Variants in CHD7 observed in about 807,000 individuals in gnomAD.
CHD7 encodes the protein chromodomain helicase DNA binding protein 7.
Under a neutral mutation model 307.3 loss-of-function variants are expected in CHD7, and 24 were observed. That is an observed-to-expected ratio of 0.08 (90% CI 0.06 to 0.11). The LOEUF (loss-of-function observed/expected upper bound fraction) is 0.11. CHD7 is among the 10% of genes least tolerant of loss of function. CHD7 has a pLI of 1.00. For synonymous variants in CHD7, 1,363 were observed against 1,349.9 expected, an observed-to-expected ratio of 1.01 and a Z score of -0.21; for missense variants, 3,106 against 3,727.1, an observed-to-expected ratio of 0.83 and a Z score of 4.34.
At position 60,778,756 on chromosome 8, in the gene CHD7, A is replaced by G. The variant is rs1450649724; in HGVS notation, c.1666-2244A>G. ...TCTCCGTGTCCTGTGCAAAAAAGAT[A>G]GGGCTTTTTCCTTTTTAATTACATT... On this transcript the variant is annotated intron_variant, in intron 2 of 37. Transcript: ENST00000423902. 2.0e-5 allele frequency among the ~76,000 whole-genome samples: 3 copies of G among 152,370 alleles called. No homozygotes were observed. The South Asian group carries it at 6.2e-4, about 32-fold the overall frequency.
chr8:60,685,559 C>T (rs958309621), intron 1 of CHD7, among the ~76,000 whole-genome samples: 1 of 152,074 alleles, frequency 6.6e-6, no homozygotes, highest in Non-Finnish European at 1.5e-5. Flanking sequence ...CAGTCTCCCT[C>T]GGAGAGAGTT....
At position 60,742,520 on chromosome 8, in the gene CHD7, A is replaced by C. The variant is rs1259788628; in HGVS notation, c.1088A>C (p.His363Pro). 6.2e-7 allele frequency: 1 copy of C among 1,614,052 alleles called. No individual in the cohort carries two copies. Among genetic ancestry groups the C allele is most frequent in the East Asian group, 2.2e-5 (1 of 44,884 alleles). The change falls in exon 2 of 38, where the codon CAC (histidine) becomes CCC (proline). Residue 363 changes from histidine to proline, a missense_variant. Coordinates refer to ENST00000423902, the MANE Select transcript of CHD7 (RefSeq NM_017780.4). ...TCAAACAGTGGTCAAGGACTAATGC[A>C]CCAGCAGCCCATCCACCCCAGTGGC... ...FPSNSGQGLM[H>P]QQPIHPSGSL...
chr8:60,825,720 G>A lies in CHD7; in HGVS notation c.3378+1704G>A, dbSNP rs117109666. Among the ~76,000 whole-genome samples the A allele has an allele frequency of 5.9e-3, 904 of 152,240 alleles. 5 individuals carry two copies. Among genetic ancestry groups the A allele is most frequent in the Non-Finnish European group, 7.3e-3 (498 of 68,016 alleles). ...CAGTCATCTGACTGAACTTATCTGAGTTGTGTTCTATTATTAGTTCATGTG... is the reference window on the plus strand; with the variant it reads ...CAGTCATCTGACTGAACTTATCTGAATTGTGTTCTATTATTAGTTCATGTG... On this transcript the variant is annotated intron_variant, in intron 13 of 37. Transcript: ENST00000423902.
At chr8:60,775,452 C>A (rs1810906967) in intron 2 of CHD7, among the ~76,000 whole-genome samples, 1 of 75,516 alleles carries the variant, frequency 1.3e-5, no homozygotes, top group Non-Finnish European at 4.0e-5. Context: ...TATATTTGTG[C>A]ATAGTGTAAT....
intron 36 of CHD7, 54 bp from the exon 37 acceptor site, chr8:60,862,494 A>C: frequency 6.6e-7 from 1 of 1,510,818 alleles, no homozygotes; most frequent in Non-Finnish European, 9.0e-7. Flanking sequence ...GTAGATTAAC[A>C]GAAAGGGGAG....
At chr8:60,858,068 C>T (rs148957700) in intron 34 of CHD7, among the ~76,000 whole-genome samples, 171 of 152,270 alleles carry the variant, frequency 1.1e-3, no homozygotes, top group African/African-American at 3.9e-3. Context: ...CCAGCCTGGC[C>T]AACATGGCAA....
Position 60,836,101 on chromosome 8 carries a change from T to C in CHD7, c.3807T>C (p.Phe1269=), listed in dbSNP as rs1303262439. 2 of 1,612,558 alleles carry C rather than the reference T, an allele frequency of 1.2e-6. No homozygotes were observed. Among genetic ancestry groups the C allele is most frequent in the Non-Finnish European group, 1.7e-6 (2 of 1,179,346 alleles). Residue 1269 remains phenylalanine (F), a synonymous_variant, in exon 16 of 38, where the codon TTT becomes TTC. Coordinates refer to ENST00000423902, the MANE Select transcript of CHD7 (RefSeq NM_017780.4). ...NGAEEKILEE[F]KETHNAESPD... Reference sequence around the variant, plus strand: ...CTGAAGAGAAAATTTTGGAAGAGTTTAAAGAAACACACAATGCAGAGTCTC... The same window carrying C: ...CTGAAGAGAAAATTTTGGAAGAGTTCAAAGAAACACACAATGCAGAGTCTC...
chr8:60,866,529 C>G lies in CHD7; in HGVS notation c.*596C>G, dbSNP rs1028803635. 2.0e-5 allele frequency: 3 copies of G among 152,498 alleles called. No homozygotes were observed. Among genetic ancestry groups the G allele is most frequent in the African/African-American group, 7.2e-5 (3 of 41,406 alleles). 9.4% of individuals were successfully genotyped at this position (152,498 alleles called of 1,614,324 possible). On this transcript the variant is annotated 3_prime_UTR_variant, in exon 38 of 38. Transcript: ENST00000423902. ...AGGCAGCTGTTGAATGTGAAGGGTC[C>G]CTTTGGAAAATTAACCTACTGGGAG...
chr8:60,765,925 A>C (rs1402350416), intron 2 of CHD7, among the ~76,000 whole-genome samples: 2 of 152,224 alleles, frequency 1.3e-5, no homozygotes, highest in Non-Finnish European at 2.9e-5. Flanking sequence ...ACATAGAGGA[A>C]CCAAGTCAGG....
chr8:60,709,244 T>C (rs1288841951), intron 1 of CHD7, among the ~76,000 whole-genome samples: 2 of 152,210 alleles, frequency 1.3e-5, no homozygotes, highest in Non-Finnish European at 2.9e-5. Flanking sequence ...GTGTAGCTTG[T>C]AATATTTTGA....
chr8:60,781,234 C>A lies in CHD7; in HGVS notation c.1900C>A (p.Leu634Met). The change falls in exon 3 of 38, where the codon CTG becomes ATG. Residue 634 changes from leucine (L) to methionine (M), a missense_variant. Physicochemically the swap from Leu to Met is conservative, Grantham distance 15. This residue lies in a region of CHD7 where 998 missense variants were observed against 1,004.5 expected (regional missense o/e 0.99). Coordinates refer to ENST00000423902, the MANE Select transcript of CHD7 (RefSeq NM_017780.4). ...TAACCAAGAACTAAATAGGAACTCACTGGATGGGTCCCAAGAAGAAAAAAA... is the reference window on the plus strand; with the variant it reads ...TAACCAAGAACTAAATAGGAACTCAATGGATGGGTCCCAAGAAGAAAAAAA... ...VDNQELNRNSLDGSQEEKKKK... is the reference protein window; with the variant it reads ...VDNQELNRNSMDGSQEEKKKK... 6.3e-7 allele frequency: 1 copy of A among 1,585,742 alleles called. No homozygotes were observed. The highest frequency in any genetic ancestry group is 8.6e-7 in the Non-Finnish European group (1 of 1,165,572).
At chr8:60,778,207 A>C (rs1287200377) in intron 2 of CHD7, among the ~76,000 whole-genome samples, 2 of 152,094 alleles carry the variant, frequency 1.3e-5, no homozygotes, top group African/African-American at 4.8e-5. Context: ...TTCTTTGTTA[A>C]ATGTTTACAA....
chr8:60,830,969 A>G (rs1394375156), intron 15 of CHD7, among the ~76,000 whole-genome samples: 1 of 152,198 alleles, frequency 6.6e-6, no homozygotes, highest in Non-Finnish European at 1.5e-5. Context: ...GCAGACAGCT[A>G]TCAGCTGTCT....
chr8:60,743,919 T>A (rs1017624689), intron 2 of CHD7, among the ~76,000 whole-genome samples: 7 of 152,182 alleles, frequency 4.6e-5, no homozygotes, highest in African/African-American at 1.4e-4. Flanking sequence ...TGCAGCTCTG[T>A]TTTTGGGGTG....
At chr8:60,738,706 C>T (rs1478811873) in intron 1 of CHD7, among the ~76,000 whole-genome samples, 1 of 152,016 alleles carries the variant, frequency 6.6e-6, no homozygotes, top group Non-Finnish European at 1.5e-5. Flanking sequence ...AGAAAAGGGG[C>T]AGGAAGGCGT....
At chr8:60,696,979 A>C (rs929426023) in intron 1 of CHD7, among the ~76,000 whole-genome samples, 1 of 152,124 alleles carries the variant, frequency 6.6e-6, no homozygotes, top group Non-Finnish European at 1.5e-5. Flanking sequence ...ATCAAGGAAC[A>C]TAAGAATAAT....
intron 3 of CHD7, among the ~76,000 whole-genome samples, chr8:60,786,168 C>T (rs995127924): frequency 6.6e-6 from 1 of 152,208 alleles, no homozygotes; most frequent in Admixed American, 6.5e-5. Context: ...CCGAATCCTT[C>T]TTTCCTTTAG....
At chr8:60,773,907 C>T (rs555656072) in intron 2 of CHD7, among the ~76,000 whole-genome samples, 37 of 152,228 alleles carry the variant, frequency 2.4e-4, no homozygotes, top group Non-Finnish European at 4.7e-4. Context: ...AGCTTTAGTT[C>T]GGAACTAAAC....
At chr8:60,760,289 T>A (rs528132563) in intron 2 of CHD7, among the ~76,000 whole-genome samples, 1 of 151,936 alleles carries the variant, frequency 6.6e-6, no homozygotes, top group South Asian at 2.1e-4. Flanking sequence ...TGGCTAGCCA[T>A]ATGTAGAAAG....
Sources: allele counts gnomAD v4.1 joint callset (sites outside exome capture counted in the v4.1 genomes callset), GRCh38; gene constraint gnomAD v4.1.1; regional missense constraint gnomAD v4.1.1; transcripts MANE v1.5; gene names NCBI Gene and HGNC (gene_info 2026-07-23, HGNC 2026-07-21).